Variants in GSPT1 observed in about 807,000 individuals in gnomAD.
The protein encoded by GSPT1 is G1 to S phase transition 1, also known as eukaryotic peptide chain release factor GTP-binding subunit ERF3A.
A neutral mutation model predicts 72.5 loss-of-function variants in GSPT1; 20 were observed. That is an observed-to-expected ratio of 0.28 (90% CI 0.19 to 0.40). GSPT1 has a LOEUF of 0.40. Ranked by LOEUF, GSPT1 falls within the 10% of genes least tolerant of loss-of-function variation. The pLI is 1.00. For missense variants in GSPT1, 580 were observed against 811.9 expected (o/e 0.71, Z 3.47); for synonymous variants, 334 against 293.5 (o/e 1.14, Z -1.41).
At chr16:11,876,860 G>C (rs1169366895) in intron 12 of GSPT1, among the ~76,000 whole-genome samples, 2 of 152,148 alleles carry the variant, frequency 1.3e-5, no homozygotes, top group East Asian at 3.8e-4. Flanking sequence ...AACTTATCCA[G>C]CTTTATCCAT....
chr16:11,887,705 C>T lies in GSPT1; in HGVS notation c.822G>A (p.Lys274=). ...CACGACCCACTTCTACTGTTTTACC[C>T]TTGTCTCGTTCTTCCTGATTTGTGT... is the stretch of plus-strand genomic sequence containing the variant. ...ALDTNQEERD[K]GKTVEVGRAY... The change falls in exon 7 of 15, where the codon AAG becomes AAA. Residue 274 remains lysine (K), a synonymous_variant. Transcript: ENST00000434724. 2 of 1,613,216 alleles carry T rather than the reference C, an allele frequency of 1.2e-6. No homozygotes were observed. The highest frequency in any genetic ancestry group is 1.7e-6 in the Non-Finnish European group (2 of 1,179,432).
chr16:11,884,359 C>T (rs1460072097), intron 10 of GSPT1, among the ~76,000 whole-genome samples: 1 of 152,172 alleles, frequency 6.6e-6, no homozygotes, highest in African/African-American at 2.4e-5. Flanking sequence ...TGATCCCTGG[C>T]TCATCGGGAA....
rs982883409 is a variant in GSPT1, at chr16:11,894,716, C to T, written c.698+238G>A. 7.9e-5 allele frequency among the ~76,000 whole-genome samples: 12 copies of T among 152,278 alleles called. No homozygotes were observed. The East Asian group carries it at 2.3e-3, about 29-fold the overall frequency. On this transcript the variant is annotated intron_variant, in intron 5 of 14. Transcript: ENST00000434724. ...CCCAGGCTGGTTTCAAACTCCAGAC[C>T]TCAAGTCCAGTGATCCTCCCACCTT...
At chr16:11,909,431 A>G (rs2054529902) in intron 1 of GSPT1, among the ~76,000 whole-genome samples, 1 of 152,206 alleles carries the variant, frequency 6.6e-6, no homozygotes, top group Non-Finnish European at 1.5e-5. Context: ...AGGACCTCAG[A>G]TCCTTCAACT....
At chr16:11,873,864 C>T (rs2054006653) in intron 14 of GSPT1, among the ~76,000 whole-genome samples, 1 of 152,188 alleles carries the variant, frequency 6.6e-6, no homozygotes, top group Admixed American at 6.5e-5. Flanking sequence ...GCTGGGATTA[C>T]AGGGGTGAGC....
chr16:11,915,906 G>A lies in GSPT1; in HGVS notation c.-186C>T, dbSNP rs760329757. On this transcript the variant is annotated 5_prime_UTR_variant, in exon 1 of 15. Transcript: ENST00000434724. ...GTCCCGACTCCACACTCGCGACGAC[G>A]ACAGAGGCGGCGGCGGCGGCAGCTC... 2.0e-5 allele frequency: 17 copies of A among 862,114 alleles called. No individual in the cohort carries two copies. Among genetic ancestry groups the A allele is most frequent in the South Asian group, 2.6e-5 (2 of 75,782 alleles). The allele number at this position is 862,114 out of a possible 1,614,324, so 53.4% of individuals were successfully genotyped here. A position where few individuals can be genotyped will look rare whatever the true frequency, so the allele number is the denominator to read the frequency against.
rs1328120204 is a variant in GSPT1, at chr16:11,915,654, TGCTGCTGCC to T, written c.58_66del (p.Gly20_Ser22del). 27 of 1,487,934 alleles carry T rather than the reference TGCTGCTGCC, an allele frequency of 1.8e-5. No homozygotes were observed. The highest frequency in any genetic ancestry group is 2.7e-6 in the Non-Finnish European group (3 of 1,123,624). 92.2% of individuals were successfully genotyped at this position (1,487,934 alleles called of 1,614,324 possible). A position where few individuals can be genotyped will look rare whatever the true frequency, so the allele number is the denominator to read the frequency against. On this transcript the variant is annotated inframe_deletion, in exon 1 of 15. Transcript: ENST00000434724. Reference sequence around the variant, plus strand: ...CAGCAGTCAGGCGCCGAGTCGCTGCTGCTGCTGCCGCTGCTGCTCCCGCCGCCGCCGCCG... The same window carrying T: ...CAGCAGTCAGGCGCCGAGTCGCTGCTGCTGCTGCTCCCGCCGCCGCCGCCG...
At position 11,886,538 on chromosome 16, in the gene GSPT1, A is replaced by T; in HGVS notation, c.1186T>A (p.Phe396Ile). ...CCAGTAAGTCCTGAGCAGGGCATAA[A>T]GTGAATGTCCTTTTTGGGATTGAAG... ...VGFNPKKDIH[F>I]MPCSGLTGAN... is the part of the protein sequence containing the mutation. Residue 396 changes from phenylalanine (F) to isoleucine (I), a missense_variant, in exon 9 of 15, where the codon TTT becomes ATT. Phe to Ile is a conservative substitution (Grantham distance 21). This residue lies in a region of GSPT1 where 34 missense variants were observed against 62.0 expected (regional missense o/e 0.55). Transcript: ENST00000434724. 2 of 1,613,236 alleles carry T rather than the reference A, an allele frequency of 1.2e-6. No individual in the cohort carries two copies. The highest frequency in any genetic ancestry group is 2.2e-5 in the South Asian group (2 of 91,062).
upstream of GSPT1, among the ~76,000 whole-genome samples, chr16:11,916,615 C>A (rs1217143060): frequency 1.3e-5 from 2 of 152,174 alleles, no homozygotes; most frequent in African/African-American, 2.4e-5. Context: ...GTGGAAGAAA[C>A]AATAAAACCG....
chr16:11,902,300 T>G (rs572462200), intron 1 of GSPT1, among the ~76,000 whole-genome samples: 4 of 139,914 alleles, frequency 2.9e-5, no homozygotes, highest in African/African-American at 1.1e-4. Context: ...GAGAATGGCA[T>G]GAACCCGGGA....
intron 14 of GSPT1, 25 bp from the exon 15 acceptor site, chr16:11,873,196 C>T: frequency 8.0e-7 from 1 of 1,253,098 alleles, no homozygotes; most frequent in South Asian, 1.2e-5. Context: ...TTAAAAAAAT[C>T]TTTCAGTAGT....
rs372895407 is a variant in GSPT1, at chr16:11,915,944, C to G, written c.-224G>C. ...GCGGCGGCAGCTCAACCCTCCTCCT[C>G]GTGTGTGTGAGCGGATCTCCTCCCA... On this transcript the variant is annotated 5_prime_UTR_variant, in exon 1 of 15. Transcript: ENST00000434724. 6.2e-5 allele frequency: 46 copies of G among 744,360 alleles called. 1 individual carries two copies. The highest frequency in any genetic ancestry group is 5.8e-4 in the South Asian group (43 of 73,750). 46.1% of individuals were successfully genotyped at this position (744,360 alleles called of 1,614,324 possible). A position where few individuals can be genotyped will look rare whatever the true frequency, so the allele number is the denominator to read the frequency against.
At position 11,887,666 on chromosome 16, in the gene GSPT1, G is replaced by C; in HGVS notation, c.861C>G (p.Thr287=). 1 of 1,613,168 alleles carries C rather than the reference G, an allele frequency of 6.2e-7. No individual in the cohort carries two copies. The highest frequency in any genetic ancestry group is 8.5e-7 in the Non-Finnish European group (1 of 1,179,272). ...CTAGAATTGTGAAATGCTTCTTTTC[G>C]GTTTCAAAATAGGCACGACCCACTT... ...TVEVGRAYFE[T]EKKHFTILDA... Residue 287 remains threonine (T), a synonymous_variant, in exon 7 of 15, where the codon ACC becomes ACG. Transcript: ENST00000434724.
intron 12 of GSPT1, among the ~76,000 whole-genome samples, chr16:11,876,780 T>C (rs1281616802): frequency 6.6e-6 from 1 of 152,118 alleles, no homozygotes; most frequent in Non-Finnish European, 1.5e-5. Context: ...CTTTCTTATC[T>C]GGGAAGACTT....
At position 11,868,445 on chromosome 16, in the gene GSPT1, C is replaced by T. The variant is rs1176973220; in HGVS notation, c.*4674G>A. 6.6e-6 allele frequency: 1 copy of T among 150,976 alleles called. No homozygotes were observed. Among genetic ancestry groups the T allele is most frequent in the African/African-American group, 2.4e-5 (1 of 41,010 alleles). 9.4% of individuals were successfully genotyped at this position (150,976 alleles called of 1,614,324 possible). A position where few individuals can be genotyped will look rare whatever the true frequency, so the allele number is the denominator to read the frequency against. ...TCACTAAGTCCTGGCCTGAGAGATA[C>T]CCACATTTCCTTTAGAACAAACAGA... is the stretch of plus-strand genomic sequence containing the variant. On this transcript the variant is annotated 3_prime_UTR_variant, in exon 15 of 15. Coordinates refer to ENST00000434724, the MANE Select transcript of GSPT1 (RefSeq NM_002094.4).
At position 11,896,744 on chromosome 16, in the gene GSPT1, C is replaced by T; in HGVS notation, c.478G>A (p.Glu160Lys). The T allele has an allele frequency of 6.2e-7, 1 of 1,600,060 alleles. No individual in the cohort carries two copies. The highest frequency in any genetic ancestry group is 8.5e-7 in the Non-Finnish European group (1 of 1,172,636). Residue 160 changes from glutamate to lysine, a missense_variant, in exon 4 of 15, where the codon GAG (glutamate) becomes AAG (lysine). Physicochemically the swap from Glu to Lys is moderately conservative, Grantham distance 56. Transcript: ENST00000434724. ...ETEMSPEESWEHKEEISEAEP... is the reference protein window; with the variant it reads ...ETEMSPEESWKHKEEISEAEP... ...GCTTCACTTATTTCTTCTTTGTGCTCCCATGATTCTTCTGGAGACATTTCT... is the reference window on the plus strand; with the variant it reads ...GCTTCACTTATTTCTTCTTTGTGCTTCCATGATTCTTCTGGAGACATTTCT...
Position 11,873,079 on chromosome 16 carries a change from AT to A in GSPT1, c.*39del. On this transcript the variant is annotated 3_prime_UTR_variant, in exon 15 of 15. Coordinates refer to ENST00000434724, the MANE Select transcript of GSPT1 (RefSeq NM_002094.4). Reference sequence around the variant, plus strand: ...GGTGTGAAGTAGGCTTCTGCAGTCAATTTTCCTCACAGTATTGTGCAGGGTC... The same window carrying A: ...GGTGTGAAGTAGGCTTCTGCAGTCAATTTCCTCACAGTATTGTGCAGGGTC... 3 of 1,245,158 alleles carry A rather than the reference AT, an allele frequency of 2.4e-6. No homozygotes were observed. Among genetic ancestry groups the A allele is most frequent in the Non-Finnish European group, 3.5e-6 (3 of 858,208 alleles). 77.1% of individuals were successfully genotyped at this position (1,245,158 alleles called of 1,614,324 possible).
chr16:11,885,238 C>A lies in GSPT1; in HGVS notation c.1290G>T (p.Pro430=). The A allele has an allele frequency of 1.3e-6, 2 of 1,593,212 alleles. No homozygotes were observed. The highest frequency in any genetic ancestry group is 2.2e-5 in the East Asian group (1 of 44,708). Residue 430 remains proline, a synonymous_variant, in exon 10 of 15, where the codon CCG becomes CCT. Transcript: ENST00000434724. ...GTCCATCAACTGATCTATTGAAGTT[C>A]GGCAAATTATCCAGATATGGAATAA... ...LPFIPYLDNL[P]NFNRSVDGPI... is the part of the protein sequence containing the mutation.
intron 10 of GSPT1, among the ~76,000 whole-genome samples, chr16:11,883,828 G>C (rs1004617501): frequency 4.7e-4 from 72 of 151,598 alleles, no homozygotes; most frequent in African/African-American, 1.7e-3. Context: ...CATGAGAATC[G>C]CTTGAACCCA....
Sources: allele counts gnomAD v4.1 joint callset (sites outside exome capture counted in the v4.1 genomes callset), GRCh38; gene constraint gnomAD v4.1.1; regional missense constraint gnomAD v4.1.1; transcripts MANE v1.5; gene names NCBI Gene and HGNC (gene_info 2026-07-23, HGNC 2026-07-21).